Variants in ATP6V0D2 observed in about 807,000 individuals in gnomAD.
ATP6V0D2 encodes the protein ATPase H+ transporting V0 subunit d2.
In ATP6V0D2, 40 loss-of-function variants were observed where a neutral mutation model predicts 40.0. The observed-to-expected ratio is 1.00, with a 90% CI of 0.78 to 1.30. The LOEUF (loss-of-function observed/expected upper bound fraction) is 1.30. ATP6V0D2 is among the 50% of genes most tolerant of loss of function. ATP6V0D2 has a pLI of 0.00. For missense variants in ATP6V0D2, 470 were observed against 423.1 expected (o/e 1.11, Z -0.97); for synonymous variants, 179 against 156.3 (o/e 1.15, Z -1.08).
intron 5 of ATP6V0D2, 141 bp from the exon 6 acceptor site, chr8:86,149,971 A>G (rs1470232158): frequency 1.5e-5 from 11 of 755,858 alleles, no homozygotes; most frequent in Non-Finnish European, 2.1e-5. Context: ...GGGAACACTA[A>G]TAACACATGT....
intron 2 of ATP6V0D2, among the ~76,000 whole-genome samples, chr8:86,138,567 A>G (rs1329795813): frequency 6.6e-6 from 1 of 152,210 alleles, no homozygotes; most frequent in Non-Finnish European, 1.5e-5. Context: ...TCACATAAAA[A>G]TGATTAAAAT....
intron 2 of ATP6V0D2, among the ~76,000 whole-genome samples, chr8:86,123,075 C>A (rs1563559584): frequency 6.6e-6 from 1 of 152,160 alleles, no homozygotes; most frequent in Non-Finnish European, 1.5e-5. Context: ...CCTGGGTGGC[C>A]ATGTGATAGA....
At chr8:86,143,885 A>G (rs1018062588) in intron 5 of ATP6V0D2, among the ~76,000 whole-genome samples, 2 of 152,070 alleles carry the variant, frequency 1.3e-5, no homozygotes, top group Non-Finnish European at 2.9e-5. Context: ...CTGGTGAGGG[A>G]ACATTGGGCA....
rs141121433 is a variant in ATP6V0D2, at chr8:86,140,671, T to C, written c.482-779T>C. 1.3e-3 allele frequency among the ~76,000 whole-genome samples: 201 copies of C among 152,178 alleles called. 4 individuals are homozygous for C. The highest frequency in any genetic ancestry group is 4.6e-3 in the African/African-American group (193 of 41,536). On this transcript the variant is annotated intron_variant, in intron 3 of 7. Coordinates refer to ENST00000285393, the MANE Select transcript of ATP6V0D2 (RefSeq NM_152565.1). Reference sequence around the variant, plus strand: ...GAATAGCTCCAAGGTGTTGTGAAGATTAAATGAAAGTATATTCAGTGTATA... The same window carrying C: ...GAATAGCTCCAAGGTGTTGTGAAGACTAAATGAAAGTATATTCAGTGTATA...
At chr8:86,117,467 A>G (rs1278101068) in intron 2 of ATP6V0D2, among the ~76,000 whole-genome samples, 12 of 152,208 alleles carry the variant, frequency 7.9e-5, no homozygotes, top group Non-Finnish European at 1.3e-4. Flanking sequence ...AAGCAAGTAG[A>G]AGAAAAGACC....
chr8:86,113,985 C>G, intron 2 of ATP6V0D2, 105 bp downstream of exon 2: 1 of 1,076,740 alleles, frequency 9.3e-7, no homozygotes, highest in Admixed American at 3.0e-5. Flanking sequence ...AAGACCTTTT[C>G]CATTGTTTGT....
At chr8:86,133,404 C>A (rs1034411567) in intron 2 of ATP6V0D2, among the ~76,000 whole-genome samples, 9 of 144,976 alleles carry the variant, frequency 6.2e-5, no homozygotes, top group Non-Finnish European at 1.3e-4. Context: ...CTCACTGCAA[C>A]CTCCGCCTCC....
chr8:86,106,865 C>A (rs1818474713), intron 1 of ATP6V0D2, among the ~76,000 whole-genome samples: 1 of 151,942 alleles, frequency 6.6e-6, no homozygotes. Context: ...GCATTTGGAG[C>A]TGTGGAGAGT....
At chr8:86,138,199 A>G (rs976215806) in intron 2 of ATP6V0D2, among the ~76,000 whole-genome samples, 3 of 152,120 alleles carry the variant, frequency 2.0e-5, no homozygotes, top group Admixed American at 2.0e-4. Context: ...CTGCCTTGAA[A>G]TGTGCTTTTC....
intron 2 of ATP6V0D2, among the ~76,000 whole-genome samples, chr8:86,116,733 C>T (rs561906441): frequency 6.6e-6 from 1 of 152,156 alleles, no homozygotes; most frequent in South Asian, 2.1e-4. Flanking sequence ...TATTTCTAAG[C>T]TCAGTTTTTA....
chr8:86,152,177 G>A (rs1267605238), intron 7 of ATP6V0D2, among the ~76,000 whole-genome samples: 2 of 151,894 alleles, frequency 1.3e-5, no homozygotes, highest in Non-Finnish European at 2.9e-5. Flanking sequence ...GTGGTGTTTG[G>A]TTTTTCTGTT....
At position 86,113,720 on chromosome 8, in the gene ATP6V0D2, C is replaced by A. The variant is rs776864740; in HGVS notation, c.142C>A (p.His48Asn). The change falls in exon 2 of 8, where the codon CAT becomes AAT. Residue 48 changes from histidine (H) to asparagine (N), a missense_variant. By Grantham distance (68) the His-to-Asn change is moderately conservative (BLOSUM62 1). Coordinates refer to ENST00000285393, the MANE Select transcript of ATP6V0D2 (RefSeq NM_152565.1). ...TCATTTAATTTCAGACCTGAAAATT[C>A]ATCTCCAGACTACTGATTATGGTAA... ...QCETLEDLKI[H>N]LQTTDYGNFL... The A allele has an allele frequency of 4.4e-6, 7 of 1,596,302 alleles. No homozygotes were observed. The highest frequency in any genetic ancestry group is 3.4e-5 in the South Asian group (3 of 87,732).
At chr8:86,116,428 C>T (rs961347680) in intron 2 of ATP6V0D2, among the ~76,000 whole-genome samples, 6 of 151,798 alleles carry the variant, frequency 4.0e-5, no homozygotes, top group Admixed American at 2.0e-4. Context: ...ACTTATTGCC[C>T]CGGCTGGTCT....
intron 7 of ATP6V0D2, 91 bp from the exon 8 acceptor site, chr8:86,152,725 C>T (rs1173317062): frequency 5.2e-5 from 69 of 1,318,650 alleles, no homozygotes; most frequent in Non-Finnish European, 7.0e-5. Flanking sequence ...CAAATAAGCA[C>T]TGCACAAGTT....
intron 1 of ATP6V0D2, among the ~76,000 whole-genome samples, chr8:86,106,547 T>C (rs948920137): frequency 6.6e-6 from 1 of 152,242 alleles, no homozygotes; most frequent in African/African-American, 2.4e-5. Context: ...ACCCCTGCAC[T>C]GTAGTTTACA....
intron 2 of ATP6V0D2, among the ~76,000 whole-genome samples, chr8:86,136,441 G>C (rs1307533815): frequency 1.3e-5 from 2 of 152,046 alleles, no homozygotes; most frequent in African/African-American, 4.8e-5. Context: ...AATGTCTGGA[G>C]TCTGCTAAGC....
intron 2 of ATP6V0D2, among the ~76,000 whole-genome samples, chr8:86,116,412 A>G (rs1429282853): frequency 6.6e-6 from 1 of 152,080 alleles, no homozygotes; most frequent in Non-Finnish European, 1.5e-5. Context: ...TTACAGACAG[A>G]GTCTCACTTA....
At chr8:86,151,564 T>C in intron 7 of ATP6V0D2, 24 bp downstream of exon 7, 2 of 1,548,204 alleles carry the variant, frequency 1.3e-6, no homozygotes, top group Non-Finnish European at 1.8e-6. Context: ...GGAAATACTA[T>C]TAGCTTATTT....
chr8:86,122,219 G>A (rs1294374038), intron 2 of ATP6V0D2, among the ~76,000 whole-genome samples: 2 of 152,224 alleles, frequency 1.3e-5, no homozygotes, highest in Middle Eastern at 3.4e-3. Context: ...CCACCTCAGA[G>A]GCTGTAAAAT....
Sources: gnomAD v4.1 joint callset for allele counts (sites outside exome capture counted in the v4.1 genomes callset) on GRCh38, gnomAD v4.1.1 for gene constraint, MANE v1.5 for transcripts, NCBI Gene and HGNC (gene_info 2026-07-23, HGNC 2026-07-21) for gene names.